The following TIAM1 variants were observed in gnomAD, a reference collection of about 807,000 sequenced individuals.
TIAM1 encodes TIAM Rac1 associated GEF 1.
Under a neutral mutation model 163.5 loss-of-function variants are expected in TIAM1, and 65 were observed. The ratio of observed to expected loss-of-function variants is 0.40; its 90% CI spans 0.33 to 0.49. TIAM1 has a LOEUF of 0.49. TIAM1 is among the 20% of genes least tolerant of loss of function. The probability of loss-of-function intolerance (pLI) is 0.77; values close to 1 mark genes in which losing one functional copy is unlikely to be tolerated. For synonymous variants in TIAM1, 833 were observed against 810.1 expected, an observed-to-expected ratio of 1.03 and a Z score of -0.48; for missense variants, 1,789 against 2,044.7, an observed-to-expected ratio of 0.87 and a Z score of 2.41.
chr21:31,312,073 G>A (rs1051104951), intron 2 of TIAM1, among the ~76,000 whole-genome samples: 22 of 152,092 alleles, frequency 1.4e-4, no homozygotes, highest in Non-Finnish European at 2.5e-4. Flanking sequence ...TTGGGCCTTC[G>A]GCCACAGACT....
chr21:31,470,466 T>C (rs1414522884), intron 1 of TIAM1, among the ~76,000 whole-genome samples: 3 of 152,144 alleles, frequency 2.0e-5, no homozygotes, highest in Admixed American at 6.5e-5. Context: ...CCCAAGTAGC[T>C]GAGATTACAG....
intron 2 of TIAM1, among the ~76,000 whole-genome samples, chr21:31,351,982 C>T (rs948144958): frequency 7.9e-5 from 12 of 151,624 alleles, no homozygotes; most frequent in African/African-American, 2.7e-4. Flanking sequence ...GCAGGAGAAT[C>T]GCTTGAACCC....
intron 2 of TIAM1, among the ~76,000 whole-genome samples, chr21:31,425,873 CTT>C (rs1481376923): frequency 2.0e-5 from 3 of 151,710 alleles, no homozygotes; most frequent in African/African-American, 7.3e-5. Flanking sequence ...ATTTTTTGTA[CTT>C]TTAATAGAGA....
At chr21:31,183,139 G>C (rs2085117298) in intron 14 of TIAM1, among the ~76,000 whole-genome samples, 1 of 152,200 alleles carries the variant, frequency 6.6e-6, no homozygotes, top group Non-Finnish European at 1.5e-5. Context: ...ACAGAAGTAA[G>C]AATGTCTCAT....
intron 2 of TIAM1, among the ~76,000 whole-genome samples, chr21:31,403,801 A>G: frequency 6.6e-6 from 1 of 152,158 alleles, no homozygotes; most frequent in East Asian, 1.9e-4. Flanking sequence ...AACGAGGAGA[A>G]AAGTCAAAAA....
At chr21:31,448,007 G>A (rs972377853) in intron 2 of TIAM1, among the ~76,000 whole-genome samples, 1 of 152,116 alleles carries the variant, frequency 6.6e-6, no homozygotes, top group African/African-American at 2.4e-5. Context: ...CTCACTCAGG[G>A]GTAGGGCCCG....
intron 1 of TIAM1, among the ~76,000 whole-genome samples, chr21:31,468,992 T>C (rs2045637728): frequency 6.6e-6 from 1 of 151,038 alleles, no homozygotes; most frequent in African/African-American, 2.4e-5. Context: ...CACCTGGAGG[T>C]CTCTCGATCA....
At chr21:31,188,054 ACAAG>A (rs1221439913) in intron 13 of TIAM1, among the ~76,000 whole-genome samples, 2 of 152,172 alleles carry the variant, frequency 1.3e-5, no homozygotes, top group Non-Finnish European at 2.9e-5. Flanking sequence ...TGAAAAAAAA[ACAAG>A]CAGGCAAATA....
intron 6 of TIAM1, 121 bp from the exon 7 acceptor site, chr21:31,226,071 G>A (rs2087954848): frequency 1.3e-6 from 1 of 785,192 alleles, no homozygotes; most frequent in Non-Finnish European, 2.0e-6. Context: ...AGACACCCAT[G>A]GATAAGAATA....
At chr21:31,272,884 C>G (rs139156331) in intron 3 of TIAM1, among the ~76,000 whole-genome samples, 325 of 152,072 alleles carry the variant, frequency 2.1e-3, no homozygotes, top group African/African-American at 7.4e-3. Flanking sequence ...GCAAACAGAA[C>G]AGTGGTCCAA....
At chr21:31,329,946 C>T (rs1017202748) in intron 2 of TIAM1, among the ~76,000 whole-genome samples, 7 of 152,178 alleles carry the variant, frequency 4.6e-5, no homozygotes, top group Non-Finnish European at 1.0e-4. Flanking sequence ...TTCCCATATA[C>T]CTCCTGCCCC....
At chr21:31,443,453 T>C (rs1168288518) in intron 2 of TIAM1, among the ~76,000 whole-genome samples, 1 of 152,262 alleles carries the variant, frequency 6.6e-6, no homozygotes, top group Non-Finnish European at 1.5e-5. Context: ...GATATTTTAA[T>C]GGTTTTTTAA....
At chr21:31,361,204 G>C (rs543060392) in intron 2 of TIAM1, among the ~76,000 whole-genome samples, 1 of 152,236 alleles carries the variant, frequency 6.6e-6, no homozygotes, top group African/African-American at 2.4e-5. Flanking sequence ...ACAAACTAGA[G>C]CTACACCCAA....
chr21:31,349,047 C>T (rs1197914354), upstream of TIAM1, among the ~76,000 whole-genome samples: 1 of 152,164 alleles, frequency 6.6e-6, no homozygotes, highest in Non-Finnish European at 1.5e-5. Flanking sequence ...GTGGCAAATT[C>T]CCTAAAATCC....
intron 1 of TIAM1, among the ~76,000 whole-genome samples, chr21:31,491,405 A>C (rs1223290391): frequency 1.3e-5 from 2 of 152,228 alleles, no homozygotes; most frequent in Non-Finnish European, 2.9e-5. Flanking sequence ...AAGAGTCTGG[A>C]ATCTTACAAA....
chr21:31,385,225 C>T (rs1248543974), intron 2 of TIAM1, among the ~76,000 whole-genome samples: 3 of 152,168 alleles, frequency 2.0e-5, no homozygotes, highest in African/African-American at 7.2e-5. Context: ...CCATGCCTGG[C>T]TAATTTTTAG....
chr21:31,207,360 G>GA (rs1239011711), intron 11 of TIAM1, among the ~76,000 whole-genome samples: 1 of 152,178 alleles, frequency 6.6e-6, no homozygotes, highest in Non-Finnish European at 1.5e-5. Flanking sequence ...ATAGGAAAGA[G>GA]AATGAGCTGA....
chr21:31,516,683 AAAG>A (rs1278344582), intron 1 of TIAM1, among the ~76,000 whole-genome samples: 141 of 151,996 alleles, frequency 9.3e-4, no homozygotes, highest in Middle Eastern at 6.8e-3. Context: ...AAAAAAAAAA[AAAG>A]AAGGAGAAGA....
upstream of TIAM1, among the ~76,000 whole-genome samples, chr21:31,345,319 C>T (rs781038432): frequency 6.6e-6 from 1 of 152,068 alleles, no homozygotes; most frequent in Middle Eastern, 3.4e-3. Flanking sequence ...AATAAAAACC[C>T]AACATTCATT....
Sources: allele counts gnomAD v4.1 joint callset (sites outside exome capture counted in the v4.1 genomes callset), GRCh38; gene constraint gnomAD v4.1.1; transcripts MANE v1.5; gene names NCBI Gene and HGNC (gene_info 2026-07-23, HGNC 2026-07-21).